ATP9B: variants seen among roughly 807,000 people sequenced by gnomAD.
ATP9B encodes ATPase phospholipid transporting 9B.
Under a neutral mutation model 146.1 loss-of-function variants are expected in ATP9B, and 110 were observed. The ratio of observed to expected loss-of-function variants is 0.75; its 90% confidence interval spans 0.65 to 0.88. The LOEUF (loss-of-function observed/expected upper bound fraction) is 0.88. Ranked by LOEUF, ATP9B falls within the 40% of genes least tolerant of loss-of-function variation. ATP9B has a pLI of 0.00. For missense variants in ATP9B, 1,499 were observed against 1,496.4 expected, an observed-to-expected ratio of 1.00 and a Z score of -0.03; for synonymous variants, 604 against 569.7, an observed-to-expected ratio of 1.06 and a Z score of -0.86.
chr18:79,331,960 C>T (rs981486917), intron 17 of ATP9B, among the ~76,000 whole-genome samples: 1 of 152,198 alleles, frequency 6.6e-6, no homozygotes, highest in Non-Finnish European at 1.5e-5. Flanking sequence ...CCAAACCCCA[C>T]ACAGATGAAA....
chr18:79,328,008 C>T (rs887294021), intron 15 of ATP9B, among the ~76,000 whole-genome samples: 5 of 133,906 alleles, frequency 3.7e-5, no homozygotes, highest in African/African-American at 2.8e-5. Flanking sequence ...CCGTGGTTAG[C>T]GTGCTCTCCG....
intron 11 of ATP9B, among the ~76,000 whole-genome samples, chr18:79,242,450 T>C (rs1313961651): frequency 3.3e-5 from 5 of 152,228 alleles, no homozygotes; most frequent in African/African-American, 1.2e-4. Context: ...CAGCTGTGTT[T>C]CCCTACATAC....
At chr18:79,372,674 C>A in intron 26 of ATP9B, 151 bp from the exon 27 acceptor site, 1 of 700,614 alleles carries the variant, frequency 1.4e-6, no homozygotes. Context: ...GGAAAAGGCG[C>A]CCGAAATGCT....
intron 17 of ATP9B, among the ~76,000 whole-genome samples, chr18:79,332,620 G>A (rs959124208): frequency 2.6e-5 from 4 of 151,994 alleles, no homozygotes; most frequent in African/African-American, 4.8e-5. Context: ...AGGTGGAAGC[G>A]GAGGCAGGAG....
intron 1 of ATP9B, among the ~76,000 whole-genome samples, chr18:79,069,898 G>A (rs997888018): frequency 2.0e-5 from 3 of 152,250 alleles, no homozygotes; most frequent in African/African-American, 7.2e-5. Flanking sequence ...TTGTAGCCCT[G>A]TGAATTGTGA....
intron 14 of ATP9B, among the ~76,000 whole-genome samples, chr18:79,305,555 A>C (rs1487833171): frequency 6.6e-6 from 1 of 152,210 alleles, no homozygotes; most frequent in Non-Finnish European, 1.5e-5. Context: ...TTCTCCCAGG[A>C]ATCTATTTCT....
chr18:79,203,172 G>GC lies in ATP9B; in HGVS notation c.955-3764dup, dbSNP rs1265394800. ...GGTGGAAGGCTTAGAGTAACAGCAG[G>GC]CAGGAGGCCCTGGAGGAGCAGGTAC... On this transcript the variant is annotated intron_variant, in intron 9 of 29. Transcript: ENST00000426216. Among the ~76,000 whole-genome samples, 42 of 151,984 alleles carry GC rather than the reference G, an allele frequency of 2.8e-4. 1 individual carries two copies. The highest frequency in any genetic ancestry group is 9.7e-4 in the African/African-American group (40 of 41,430).
intron 12 of ATP9B, among the ~76,000 whole-genome samples, chr18:79,263,850 C>T (rs1204108794): frequency 1.1e-4 from 16 of 152,090 alleles, no homozygotes; most frequent in African/African-American, 1.9e-4. Context: ...TTTGGGAGGC[C>T]GAGGCGGGTG....
intron 11 of ATP9B, among the ~76,000 whole-genome samples, chr18:79,240,842 C>T (rs1363689475): frequency 1.3e-5 from 2 of 152,186 alleles, no homozygotes; most frequent in African/African-American, 2.4e-5. Context: ...CCCTGGGAAC[C>T]TTGGCATTTG....
chr18:79,277,636 C>A (rs2096327118), intron 13 of ATP9B, among the ~76,000 whole-genome samples: 1 of 152,132 alleles, frequency 6.6e-6, no homozygotes, highest in South Asian at 2.1e-4. Context: ...AAAAGCTTTA[C>A]TACAGACTAT....
chr18:79,279,766 A>G (rs2096356655), intron 13 of ATP9B, among the ~76,000 whole-genome samples: 1 of 152,258 alleles, frequency 6.6e-6, no homozygotes, highest in African/African-American at 2.4e-5. Flanking sequence ...CTTCTTGAAT[A>G]GAATATCTTA....
In ATP9B at chr18:79,130,005, G is replaced by T. The variant is rs189532882; in HGVS notation, c.667+3630G>T. ...GATCCACTTGCCTTGGCCTCCCAAA[G>T]TGCTGGGATTACAGGTGTGAGCCAC... On this transcript the variant is annotated intron_variant, in intron 5 of 29. Transcript: ENST00000426216. Among the ~76,000 whole-genome samples, 1,049 of 152,266 alleles carry T rather than the reference G, an allele frequency of 6.9e-3. 14 individuals are homozygous for T. The highest frequency in any genetic ancestry group is 0.024 in the African/African-American group (999 of 41,546).
chr18:79,272,002 T>C (rs2096260581), intron 12 of ATP9B, among the ~76,000 whole-genome samples: 3 of 152,356 alleles, frequency 2.0e-5, no homozygotes, highest in African/African-American at 7.2e-5. Flanking sequence ...ATGATGAGCA[T>C]TTTTTTGTGT....
chr18:79,089,445 G>T (rs1190653402), intron 1 of ATP9B, among the ~76,000 whole-genome samples: 1 of 152,040 alleles, frequency 6.6e-6, no homozygotes, highest in East Asian at 1.9e-4. Flanking sequence ...CTGTGCACGT[G>T]CCCAGCTGGC....
At chr18:79,215,825 G>A (rs773023942) in intron 11 of ATP9B, among the ~76,000 whole-genome samples, 2 of 152,074 alleles carry the variant, frequency 1.3e-5, no homozygotes, top group Non-Finnish European at 2.9e-5. Context: ...GAGTAGCTGG[G>A]ATTACAGATG....
intron 13 of ATP9B, among the ~76,000 whole-genome samples, chr18:79,289,822 C>T (rs1361242350): frequency 6.6e-6 from 1 of 152,140 alleles, no homozygotes; most frequent in Non-Finnish European, 1.5e-5. Flanking sequence ...GTTAGTTTTC[C>T]TTCTGACAGA....
intron 8 of ATP9B, among the ~76,000 whole-genome samples, chr18:79,183,770 TA>T (rs2095276230): frequency 7.0e-6 from 1 of 143,106 alleles, no homozygotes; most frequent in Non-Finnish European, 1.5e-5. Context: ...TTGGGGGGAG[TA>T]TTTTTTTTTT....
intron 11 of ATP9B, among the ~76,000 whole-genome samples, chr18:79,250,215 A>C (rs73973031): frequency 6.6e-6 from 1 of 152,152 alleles, no homozygotes; most frequent in Non-Finnish European, 1.5e-5. Context: ...TCATTTCTGA[A>C]TGTTTTTGTC....
At chr18:79,120,798 G>A (rs1484553875) in intron 4 of ATP9B, among the ~76,000 whole-genome samples, 1 of 152,148 alleles carries the variant, frequency 6.6e-6, no homozygotes, top group African/African-American at 2.4e-5. Flanking sequence ...TAAATAATTG[G>A]TAACCGGATA....
Sources: gnomAD v4.1 joint callset for allele counts (sites outside exome capture counted in the v4.1 genomes callset) on GRCh38, gnomAD v4.1.1 for gene constraint, MANE v1.5 for transcripts, NCBI Gene and HGNC (gene_info 2026-07-23, HGNC 2026-07-21) for gene names.